POLR3G: variants seen among roughly 807,000 people sequenced by gnomAD.
POLR3G encodes the protein RNA polymerase III subunit G, also known as DNA-directed RNA polymerase III subunit RPC7.
POLR3G carries 28 observed loss-of-function variants against 30.1 expected under a neutral mutation model. The ratio of observed to expected loss-of-function variants is 0.93; its 90% CI spans 0.69 to 1.27. The LOEUF (loss-of-function observed/expected upper bound fraction) is 1.27, where lower values mean the gene tolerates loss of function less well. Among genes scored for constraint, POLR3G ranks in the 50% most tolerant of loss-of-function variants. The pLI is 0.00. For synonymous variants in POLR3G, 79 were observed against 82.5 expected (o/e 0.96, Z 0.23); for missense variants, 254 against 264.6 (o/e 0.96, Z 0.28).
At chr5:90,491,477 T>C (rs117535926) in intron 3 of POLR3G, among the ~76,000 whole-genome samples, 1 of 152,140 alleles carries the variant, frequency 6.6e-6, no homozygotes, top group African/African-American at 2.4e-5. Flanking sequence ...GAATTTGGCT[T>C]ACTAATTCTT....
chr5:90,474,766 T>C (rs1330591513), upstream of POLR3G: 3 of 184,172 alleles, frequency 1.6e-5, no homozygotes, highest in Non-Finnish European at 3.3e-5. Context: ...GCCTCGCGGG[T>C]TGTACGGCGA....
intron 4 of POLR3G, 126 bp downstream of exon 4, chr5:90,495,859 T>G: frequency 8.1e-7 from 1 of 1,241,236 alleles, no homozygotes; most frequent in South Asian, 2.0e-5. Context: ...TTTATTGTGA[T>G]TAATTAGTAA....
At chr5:90,508,805 T>A (rs1257253689) in intron 7 of POLR3G, among the ~76,000 whole-genome samples, 1 of 152,208 alleles carries the variant, frequency 6.6e-6, no homozygotes, top group Non-Finnish European at 1.5e-5. Flanking sequence ...TGGCTCACTC[T>A]GTAATCCCAG....
At chr5:90,475,522 T>A (rs1750761923) in intron 1 of POLR3G, among the ~76,000 whole-genome samples, 1 of 151,850 alleles carries the variant, frequency 6.6e-6, no homozygotes, top group Admixed American at 6.6e-5. Context: ...TTGGTTTGTC[T>A]GCCCTTGGAA....
chr5:90,511,357 T>A (rs1752731756), intron 7 of POLR3G, among the ~76,000 whole-genome samples: 2 of 152,136 alleles, frequency 1.3e-5, no homozygotes, highest in South Asian at 4.1e-4. Context: ...CCAAACAGAA[T>A]CCAAATACAA....
chr5:90,488,523 A>G (rs1751565229), intron 3 of POLR3G, among the ~76,000 whole-genome samples: 1 of 152,106 alleles, frequency 6.6e-6, no homozygotes, highest in South Asian at 2.1e-4. Context: ...ACTCAGTAGC[A>G]TATTAGCATT....
At chr5:90,477,415 A>G (rs1434114600) in intron 1 of POLR3G, among the ~76,000 whole-genome samples, 2 of 152,202 alleles carry the variant, frequency 1.3e-5, no homozygotes, top group Non-Finnish European at 2.9e-5. Flanking sequence ...ATCCGGCCAC[A>G]GGAAGTTTAT....
rs1752487275 is a variant in POLR3G at position 90,506,428 on chromosome 5, G to T, written c.439-100G>T. ...TAGCCAGGAGGTGGTGGTAAGATGG[G>T]AGTAGAATAAGGTGATAGATAACTG... is the stretch of plus-strand genomic sequence containing the variant. On this transcript the variant is annotated intron_variant, in intron 6 of 7. Transcript: ENST00000651687. 25 of 1,428,660 alleles carry T rather than the reference G, an allele frequency of 1.7e-5. No homozygotes were observed. In the South Asian group the frequency reaches 3.1e-4, roughly 18 times the overall value. The allele number at this position is 1,428,660 out of a possible 1,614,324, so 88.5% of individuals were successfully genotyped here. A position where few individuals can be genotyped will look rare whatever the true frequency, so the allele number is the denominator to read the frequency against.
chr5:90,482,714 T>A (rs1304627707), intron 1 of POLR3G, among the ~76,000 whole-genome samples: 1 of 152,202 alleles, frequency 6.6e-6, no homozygotes, highest in African/African-American at 2.4e-5. Context: ...CTGACTCTTC[T>A]GATCTTGTGG....
chr5:90,507,277 G>A (rs543930514), intron 7 of POLR3G, among the ~76,000 whole-genome samples: 8 of 152,280 alleles, frequency 5.3e-5, no homozygotes, highest in South Asian at 4.2e-4. Context: ...ACCTCAGACC[G>A]TAACCCTAGG....
upstream of POLR3G, chr5:90,474,493 C>T (rs1341459695): frequency 5.2e-6 from 3 of 574,066 alleles, no homozygotes; most frequent in African/African-American, 3.8e-5. Context: ...AGCGTGCGCT[C>T]CCGCACCCTT....
chr5:90,477,986 A>C (rs1230573457), intron 1 of POLR3G, among the ~76,000 whole-genome samples: 2 of 152,178 alleles, frequency 1.3e-5, no homozygotes, highest in African/African-American at 4.8e-5. Flanking sequence ...TATGGAGAGG[A>C]TATTTCCTGT....
At chr5:90,494,555 C>A (rs893957956) in intron 3 of POLR3G, among the ~76,000 whole-genome samples, 5 of 149,838 alleles carry the variant, frequency 3.3e-5, no homozygotes, top group African/African-American at 1.2e-4. Context: ...GCCAACATTT[C>A]TTATTTTTTT....
intron 5 of POLR3G, among the ~76,000 whole-genome samples, chr5:90,500,976 C>G (rs1183612010): frequency 6.6e-6 from 1 of 152,020 alleles, no homozygotes; most frequent in East Asian, 1.9e-4. Flanking sequence ...AAATACTTCT[C>G]TAGACCCTGC....
At chr5:90,487,560 T>G (rs906554254) in intron 2 of POLR3G, among the ~76,000 whole-genome samples, 7 of 151,370 alleles carry the variant, frequency 4.6e-5, no homozygotes, top group African/African-American at 1.7e-4. Flanking sequence ...CCCGGCTAAT[T>G]TTTTGTATTT....
Position 90,488,038 on chromosome 5 carries a change from A to G in POLR3G, c.156A>G (p.Glu52=). 1 of 1,610,192 alleles carries G rather than the reference A, an allele frequency of 6.2e-7. No individual in the cohort carries two copies. The highest frequency in any genetic ancestry group is 8.5e-7 in the Non-Finnish European group (1 of 1,178,548). The change falls in exon 3 of 8, where the codon GAA becomes GAG. Residue 52 remains glutamate (E), a synonymous_variant. Coordinates refer to ENST00000651687, the MANE Select transcript of POLR3G (RefSeq NM_006467.3). The part of the protein sequence containing the change: ...DYKPVPLKTG[E]GEEYMLALKQ... ...AACCAGTGCCACTGAAAACAGGAGA[A>G]GGTGAAGAATATATGCTGGCTTTGA... is the stretch of plus-strand genomic sequence containing the variant.
chr5:90,504,326 C>T (rs537585041), intron 6 of POLR3G, among the ~76,000 whole-genome samples: 6 of 151,778 alleles, frequency 4.0e-5, no homozygotes, highest in South Asian at 4.2e-4. Context: ...TTTGGGAGGC[C>T]GAGGCGGGTG....
chr5:90,501,329 C>T (rs1454125227), intron 5 of POLR3G, among the ~76,000 whole-genome samples: 1 of 147,924 alleles, frequency 6.8e-6, no homozygotes, highest in Non-Finnish European at 1.5e-5. Flanking sequence ...AGTTTATCTT[C>T]TGTCTTTTAT....
At chr5:90,507,494 T>A (rs1297745465) in intron 7 of POLR3G, among the ~76,000 whole-genome samples, 1 of 152,236 alleles carries the variant, frequency 6.6e-6, no homozygotes, top group East Asian at 1.9e-4. Flanking sequence ...TCCAAGTGGC[T>A]AGCCAGCTGC....
Sources: gnomAD v4.1 joint callset for allele counts (sites outside exome capture counted in the v4.1 genomes callset) on GRCh38, gnomAD v4.1.1 for gene constraint, MANE v1.5 for transcripts, NCBI Gene and HGNC (gene_info 2026-07-23, HGNC 2026-07-21) for gene names.